TNRC6A: variants seen among roughly 807,000 people sequenced by gnomAD.
TNRC6A encodes the protein trinucleotide repeat-containing gene 6A protein.
Under a neutral mutation model 221.2 loss-of-function variants are expected in TNRC6A, and 44 were observed. The ratio of observed to expected loss-of-function variants is 0.20; its 90% CI spans 0.16 to 0.26. The LOEUF (loss-of-function observed/expected upper bound fraction) is 0.26. Ranked by LOEUF, TNRC6A falls within the 10% of genes least tolerant of loss-of-function variation. The pLI is 1.00. For missense variants in TNRC6A, 2,199 were observed against 2,404.4 expected, an observed-to-expected ratio of 0.91 and a Z score of 1.79; for synonymous variants, 847 against 838.5, an observed-to-expected ratio of 1.01 and a Z score of -0.18.
chr16:24,782,580 C>G (rs1341718060), intron 5 of TNRC6A, among the ~76,000 whole-genome samples: 1 of 152,136 alleles, frequency 6.6e-6, no homozygotes, highest in Non-Finnish European at 1.5e-5. Context: ...GAATTTTGTA[C>G]GTAAGAGTGA....
At chr16:24,783,526 AAT>A (rs2057899794) in intron 5 of TNRC6A, among the ~76,000 whole-genome samples, 1 of 139,374 alleles carries the variant, frequency 7.2e-6, no homozygotes. Flanking sequence ...TATTATGTAC[AAT>A]TTTTTTTTTT....
chr16:24,660,739 C>CTTTTTTTTTTTTTTTTTTTTTTTTTT (rs58299677), intron 2 of TNRC6A, among the ~76,000 whole-genome samples: 40 of 91,284 alleles, frequency 4.4e-4, no homozygotes, highest in East Asian at 1.1e-3. Context: ...TTTTTTTTTT[C>CTTTTTTTTTTTTTTTTTTTTTTTTTT]TTTTTTTTTT....
intron 7 of TNRC6A, 38 bp downstream of exon 7, chr16:24,793,687 A>T (rs749575940): frequency 7.4e-7 from 1 of 1,352,628 alleles, no homozygotes; most frequent in Non-Finnish European, 9.6e-7. Context: ...GTTATGTAGC[A>T]GTGGCGAACA....
intron 2 of TNRC6A, among the ~76,000 whole-genome samples, chr16:24,690,471 C>T (rs1351646247): frequency 6.6e-6 from 1 of 152,074 alleles, no homozygotes. Context: ...AAACCAGGTG[C>T]ACAGAAATAA....
intron 2 of TNRC6A, among the ~76,000 whole-genome samples, chr16:24,645,973 A>C (rs1902268851): frequency 6.6e-6 from 1 of 151,108 alleles, no homozygotes; most frequent in Non-Finnish European, 1.5e-5. Flanking sequence ...GAGCCAAGAT[A>C]ATGCCACTGC....
chr16:24,611,033 G>A (rs1246899102), intron 1 of TNRC6A, among the ~76,000 whole-genome samples: 3 of 151,938 alleles, frequency 2.0e-5, no homozygotes, highest in Non-Finnish European at 4.4e-5. Context: ...GGCTGGTTTC[G>A]AACTCCTGAC....
chr16:24,761,378 G>A (rs1034037692), intron 4 of TNRC6A, among the ~76,000 whole-genome samples: 4 of 152,156 alleles, frequency 2.6e-5, no homozygotes, highest in Non-Finnish European at 4.4e-5. Context: ...GGAGAGTGAA[G>A]TGCTAAAAAA....
intron 5 of TNRC6A, 41 bp from the exon 6 acceptor site, chr16:24,789,191 C>A: frequency 6.6e-7 from 1 of 1,514,566 alleles, no homozygotes; most frequent in Non-Finnish European, 8.9e-7. Flanking sequence ...TTTGAAATGG[C>A]CTAACACTTT....
upstream of TNRC6A, among the ~76,000 whole-genome samples, chr16:24,726,562 C>G (rs551651511): frequency 2.0e-5 from 3 of 152,112 alleles, no homozygotes; most frequent in African/African-American, 7.2e-5. Flanking sequence ...TTCATAAGAG[C>G]AGTTTTGCAG....
intron 18 of TNRC6A, 114 bp downstream of exon 18, chr16:24,809,595 AC>A: frequency 7.9e-7 from 1 of 1,266,068 alleles, no homozygotes; most frequent in Non-Finnish European, 1.0e-6. Flanking sequence ...TTATCTTAGA[AC>A]TTTTCCTCAT....
chr16:24,771,549 G>GTTATGTTATGTTATGTT (rs2057595498), intron 4 of TNRC6A, among the ~76,000 whole-genome samples: 1 of 101,050 alleles, frequency 9.9e-6, no homozygotes, highest in African/African-American at 4.2e-5. Context: ...GTTATGTTAT[G>GTTATGTTATGTTATGTT]TTATGTTATG....
intron 5 of TNRC6A, among the ~76,000 whole-genome samples, chr16:24,783,827 T>C (rs2057906906): frequency 6.6e-6 from 1 of 152,218 alleles, no homozygotes. Context: ...TTCCAGATCA[T>C]TTACAACACT....
In TNRC6A at chr16:24,790,345, A is replaced by G; in HGVS notation, c.1703A>G (p.Asn568Ser). The part of the protein sequence containing the change: ...PMGTNFQVNT[N>S]KGGGVWESGA... ...GGCACTAACTTTCAAGTTAACACAA[A>G]CAAAGGAGGTGGTGTGTGGGAATCT... Residue 568 changes from asparagine to serine, a missense_variant, in exon 6 of 25, where the codon AAC becomes AGC. Coordinates refer to ENST00000395799, the MANE Select transcript of TNRC6A (RefSeq NM_014494.4). 1 of 1,614,244 alleles carries G rather than the reference A, an allele frequency of 6.2e-7. No individual in the cohort carries two copies. The highest frequency in any genetic ancestry group is 8.5e-7 in the Non-Finnish European group (1 of 1,180,038).
chr16:24,702,092 T>G (rs1451836026), intron 2 of TNRC6A, among the ~76,000 whole-genome samples: 1 of 96,658 alleles, frequency 1.0e-5, no homozygotes, highest in Non-Finnish European at 1.9e-5. Flanking sequence ...TCTATTTTCT[T>G]TTCTTTTCTT....
chr16:24,611,349 G>C (rs541795656), intron 1 of TNRC6A, among the ~76,000 whole-genome samples: 1 of 152,130 alleles, frequency 6.6e-6, no homozygotes, highest in South Asian at 2.1e-4. Flanking sequence ...CTGTGTGTAC[G>C]TGCGTGCACA....
At chr16:24,795,677 G>A (rs764515943) in intron 8 of TNRC6A, 8 of 411,750 alleles carry the variant, frequency 1.9e-5, no homozygotes, top group Non-Finnish European at 3.5e-5. Flanking sequence ...CTATTGCCTT[G>A]CCATATAGCT....
At chr16:24,765,175 C>T (rs959394667) in intron 4 of TNRC6A, among the ~76,000 whole-genome samples, 5 of 152,178 alleles carry the variant, frequency 3.3e-5, no homozygotes, top group African/African-American at 7.2e-5. Context: ...TTCCCAATTA[C>T]AAGCCTTCTA....
chr16:24,793,728 G>A, intron 7 of TNRC6A, 79 bp downstream of exon 7: 1 of 1,145,580 alleles, frequency 8.7e-7, no homozygotes, highest in African/African-American at 1.6e-5. Flanking sequence ...AATTAGATAA[G>A]GTTTCTATGT....
chr16:24,767,659 A>G (rs1369302569), intron 4 of TNRC6A, among the ~76,000 whole-genome samples: 1 of 152,156 alleles, frequency 6.6e-6, no homozygotes, highest in East Asian at 1.9e-4. Flanking sequence ...TTATAGTATT[A>G]ATTGTTTAAT....
Sources: allele counts gnomAD v4.1 joint callset (sites outside exome capture counted in the v4.1 genomes callset), GRCh38; gene constraint gnomAD v4.1.1; transcripts MANE v1.5; gene names NCBI Gene and HGNC (gene_info 2026-07-23, HGNC 2026-07-21).